The following LGR6 variants were observed in gnomAD, a reference collection of about 807,000 sequenced individuals.
The protein encoded by LGR6 is leucine rich repeat containing G protein-coupled receptor 6.
LGR6 carries 45 observed loss-of-function variants against 69.4 expected under a neutral mutation model. The ratio of observed to expected loss-of-function variants is 0.65; its 90% CI spans 0.51 to 0.83. LGR6 has a LOEUF of 0.83. LGR6 is among the 40% of genes least tolerant of loss of function. The pLI, the probability that LGR6 is intolerant of heterozygous loss-of-function variation, is 0.00. For missense variants in LGR6, 1,108 were observed against 1,246.7 expected (o/e 0.89, Z 1.68); for synonymous variants, 538 against 555.0 (o/e 0.97, Z 0.43).
chr1:202,306,800 C>A, intron 12 of LGR6, 68 bp from the exon 13 acceptor site: 2 of 1,421,848 alleles, frequency 1.4e-6, no homozygotes, highest in Non-Finnish European at 2.0e-6. Context: ...CCTCCCAGTG[C>A]TCGGGGGGCA....
At chr1:202,211,336 C>G (rs1659455103) in intron 1 of LGR6, among the ~76,000 whole-genome samples, 1 of 152,198 alleles carries the variant, frequency 6.6e-6, no homozygotes, top group Non-Finnish European at 1.5e-5. Context: ...CTCAGAAAGC[C>G]TGAGGTTCAC....
At chr1:202,224,112 A>G (rs1412848273) in intron 1 of LGR6, among the ~76,000 whole-genome samples, 5 of 151,938 alleles carry the variant, frequency 3.3e-5, no homozygotes, top group African/African-American at 1.2e-4. Flanking sequence ...ATGTGACCTC[A>G]GGGCCTTTTG....
At chr1:202,310,129 A>T in intron 15 of LGR6, 68 bp from the exon 16 acceptor site, 1 of 1,541,870 alleles carries the variant, frequency 6.5e-7, no homozygotes, top group Non-Finnish European at 8.9e-7. Flanking sequence ...CAGATCTCTT[A>T]AATCAGACTT....
chr1:202,280,974 G>A, intron 6 of LGR6, 122 bp downstream of exon 6: 1 of 836,996 alleles, frequency 1.2e-6, no homozygotes, highest in Non-Finnish European at 1.9e-6. Context: ...TCTGGCCCCG[G>A]GCTTGTTTAC....
chr1:202,219,674 C>A (rs1158056998), intron 1 of LGR6, among the ~76,000 whole-genome samples: 1 of 152,100 alleles, frequency 6.6e-6, no homozygotes, highest in East Asian at 1.9e-4. Flanking sequence ...GTAATGCACT[C>A]ATTTGGATAT....
At chr1:202,239,634 G>A (rs1661999647) in intron 4 of LGR6, among the ~76,000 whole-genome samples, 1 of 152,108 alleles carries the variant, frequency 6.6e-6, no homozygotes, top group South Asian at 2.1e-4. Flanking sequence ...CCTAAACCAA[G>A]GCAGCATGTT....
intron 4 of LGR6, among the ~76,000 whole-genome samples, chr1:202,261,864 T>C (rs1664264380): frequency 6.6e-6 from 1 of 152,282 alleles, no homozygotes. Context: ...ATGTGTCTTT[T>C]GGCTGCATAA....
intron 1 of LGR6, among the ~76,000 whole-genome samples, chr1:202,198,654 CAG>C (rs1558000753): frequency 6.8e-6 from 1 of 146,168 alleles, no homozygotes; most frequent in Non-Finnish European, 1.5e-5. Flanking sequence ...TACTGGGAAC[CAG>C]AGTAATTTTA....
In LGR6 at chr1:202,243,064, C is replaced by T. The variant is rs1662344801; in HGVS notation, c.428+7071C>T. 4.6e-5 allele frequency among the ~76,000 whole-genome samples: 7 copies of T among 152,288 alleles called. No individual in the cohort carries two copies. In the South Asian group the frequency reaches 1.5e-3, roughly 32 times the overall value. ...AGCAGAGCCTGGGTCAGAAGTCAGGCAGTCTGGCCCAGAGTCCACGCATTT... is the reference window on the plus strand; with the variant it reads ...AGCAGAGCCTGGGTCAGAAGTCAGGTAGTCTGGCCCAGAGTCCACGCATTT... On this transcript the variant is annotated intron_variant, in intron 4 of 17. Transcript: ENST00000367278.
Position 202,281,088 on chromosome 1 carries a change from G to A in LGR6, c.716+236G>A. Reference sequence around the variant, plus strand: ...CCCTCTGGGAGTTCAGAATGGCCCAGGGAGTAGGAACCTGGGATCTCCCTG... The same window carrying A: ...CCCTCTGGGAGTTCAGAATGGCCCAAGGAGTAGGAACCTGGGATCTCCCTG... On this transcript the variant is annotated intron_variant, in intron 6 of 17. Coordinates refer to ENST00000367278, the MANE Select transcript of LGR6 (RefSeq NM_001017403.2). 4 of 496,026 alleles carry A rather than the reference G, an allele frequency of 8.1e-6. No individual in the cohort carries two copies. In the Middle Eastern group the frequency reaches 1.5e-3, roughly 187 times the overall value. The allele number at this position is 496,026 out of a possible 1,614,324, so 30.7% of individuals were successfully genotyped here.
At chr1:202,306,542 G>A (rs1558080486) in intron 12 of LGR6, among the ~76,000 whole-genome samples, 1 of 152,176 alleles carries the variant, frequency 6.6e-6, no homozygotes, top group East Asian at 1.9e-4. Flanking sequence ...TCTGCTTCTG[G>A]GCTAGGGTCT....
intron 3 of LGR6, among the ~76,000 whole-genome samples, chr1:202,233,965 T>C (rs1661307332): frequency 6.6e-6 from 1 of 152,218 alleles, no homozygotes. Flanking sequence ...GCTGTCTGAC[T>C]TCAGAGTCTG....
rs1245167896 is a variant in LGR6, at chr1:202,301,153, T to C, written c.858-11T>C. On this transcript the variant is annotated splice_polypyrimidine_tract_variant and intron_variant, in intron 8 of 17. Coordinates refer to ENST00000367278, the MANE Select transcript of LGR6 (RefSeq NM_001017403.2). ...AAAACCCAATTAGGTGTTTGGACCT[T>C]CTTCTTCCAGACACTTTTATGATAA... The C allele has an allele frequency of 6.2e-7, 1 of 1,613,894 alleles. No individual in the cohort carries two copies. The highest frequency in any genetic ancestry group is 8.5e-7 in the Non-Finnish European group (1 of 1,179,730).
In LGR6 at chr1:202,318,791, T is replaced by C; in HGVS notation, c.2488T>C (p.Phe830Leu). ...CCTCAACCCACTGCTGTACCTGCTC[T>C]TCAACCCCCACTTCCGGGATGACCT... is the stretch of plus-strand genomic sequence containing the variant. The part of the protein sequence containing the change: ...ACLNPLLYLL[F>L]NPHFRDDLRR... The change falls in exon 18 of 18, where the codon TTC becomes CTC. Residue 830 changes from phenylalanine to leucine, a missense_variant. By Grantham distance (22) the Phe-to-Leu change is conservative. Coordinates refer to ENST00000367278, the MANE Select transcript of LGR6 (RefSeq NM_001017403.2). The C allele has an allele frequency of 6.2e-7, 1 of 1,613,726 alleles. No homozygotes were observed.
At chr1:202,270,691 T>C (rs1665026108) in intron 4 of LGR6, among the ~76,000 whole-genome samples, 1 of 152,248 alleles carries the variant, frequency 6.6e-6, no homozygotes, top group Non-Finnish European at 1.5e-5. Context: ...GCTATTGTCC[T>C]GGGTCGCTGT....
In LGR6 at chr1:202,318,477, G is replaced by T. The variant is rs1654347156; in HGVS notation, c.2174G>T (p.Gly725Val). 1 of 1,613,786 alleles carries T rather than the reference G, an allele frequency of 6.2e-7. No individual in the cohort carries two copies. The highest frequency in any genetic ancestry group is 8.5e-7 in the Non-Finnish European group (1 of 1,179,978). Residue 725 changes from glycine to valine, a missense_variant, in exon 18 of 18, where the codon GGT becomes GTT. Physicochemically the swap from Gly to Val is moderately radical, Grantham distance 109 (BLOSUM62 -3). Coordinates refer to ENST00000367278, the MANE Select transcript of LGR6 (RefSeq NM_001017403.2). ...TGCCTGCCCTACGCGCCACCTGAGGGTCAGCCAGCAGCCCTGGGCTTCACC... is the reference window on the plus strand; with the variant it reads ...TGCCTGCCCTACGCGCCACCTGAGGTTCAGCCAGCAGCCCTGGGCTTCACC... ...PLCLPYAPPE[G>V]QPAALGFTVA... is the part of the protein sequence containing the mutation.
At chr1:202,253,795 ATTTTTT>A (rs71141469) in intron 4 of LGR6, among the ~76,000 whole-genome samples, 2 of 47,958 alleles carry the variant, frequency 4.2e-5, no homozygotes, top group African/African-American at 1.4e-4. Context: ...CGCCTGGCTA[ATTTTTT>A]TTTTTTTTTT....
At chr1:202,262,181 A>T (rs1664290785) in intron 4 of LGR6, among the ~76,000 whole-genome samples, 1 of 151,140 alleles carries the variant, frequency 6.6e-6, no homozygotes, top group Admixed American at 6.6e-5. Flanking sequence ...CTGAATGGTA[A>T]TGCCTAGGTT....
chr1:202,307,480 C>A, intron 14 of LGR6, 79 bp downstream of exon 14: 2 of 1,197,210 alleles, frequency 1.7e-6, no homozygotes, highest in Non-Finnish European at 2.5e-6. Flanking sequence ...GCAGAAGGGC[C>A]ACCCCAGAGC....
Sources: gnomAD v4.1 joint callset for allele counts (sites outside exome capture counted in the v4.1 genomes callset) on GRCh38, gnomAD v4.1.1 for gene constraint, MANE v1.5 for transcripts, NCBI Gene and HGNC (gene_info 2026-07-23, HGNC 2026-07-21) for gene names.